The following UGT2B15 variants were observed in gnomAD, a reference collection of about 807,000 sequenced individuals.
The protein encoded by UGT2B15 is UDP glucuronosyltransferase family 2 member B15, also known as UDP-glucuronosyltransferase 2B15.
A neutral mutation model predicts 45.9 loss-of-function variants in UGT2B15; 36 were observed. That is an observed-to-expected ratio of 0.78 (90% CI 0.60 to 1.04). The LOEUF (loss-of-function observed/expected upper bound fraction) is 1.04, where lower values mean the gene tolerates loss of function less well. Among genes scored for constraint, UGT2B15 ranks in the 50% least tolerant of loss-of-function variants. The probability of loss-of-function intolerance (pLI) is 0.00; values close to 1 mark genes in which losing one functional copy is unlikely to be tolerated. For missense variants in UGT2B15, 617 were observed against 622.4 expected, an observed-to-expected ratio of 0.99 and a Z score of 0.09; for synonymous variants, 219 against 216.4, an observed-to-expected ratio of 1.01 and a Z score of -0.11.
intron 3 of UGT2B15, among the ~76,000 whole-genome samples, chr4:68,660,441 T>G (rs1223144785): frequency 6.6e-6 from 1 of 151,918 alleles, no homozygotes; most frequent in African/African-American, 2.4e-5. Flanking sequence ...AAGTCCTATC[T>G]GAGATTCTTT....
intron 2 of UGT2B15, among the ~76,000 whole-genome samples, chr4:68,667,691 C>G (rs969357815): frequency 2.0e-5 from 3 of 152,158 alleles, no homozygotes; most frequent in Admixed American, 2.0e-4. Flanking sequence ...GGAGCAGAAA[C>G]TGTGCTACCT....
rs536642768 is a variant in UGT2B15, at chr4:68,654,081, A to G, written c.1269T>C (p.Ser423=). Residue 423 remains serine (S), a synonymous_variant, in exon 5 of 6, where the codon AGT becomes AGC. Transcript: ENST00000338206. The stretch of plus-strand genomic sequence containing the variant: ...ACTTCAATGCATTGAGCAAATCTCT[A>G]CTTGACATGGTCCTGATGTCCACAC... The part of the protein sequence containing the change: ...ALSVDIRTMS[S]RDLLNALKSV... 97 of 1,613,582 alleles carry G rather than the reference A, an allele frequency of 6.0e-5. 1 individual carries two copies. The South Asian group carries it at 9.6e-4, about 16-fold the overall frequency.
In UGT2B15 at chr4:68,647,205, G is replaced by T; in HGVS notation, c.1492C>A (p.Leu498Met). ...QYHSLDVIAF[L>M]LACVATVIFI... ...ATCACAGTTGCCACGCAGGCCAGCA[G>T]GAATGCTATCACATCCAAAGAGTGG... is the stretch of plus-strand genomic sequence containing the variant. The change falls in exon 6 of 6, where the codon CTG becomes ATG. Residue 498 changes from leucine (L) to methionine (M), a missense_variant. Transcript: ENST00000338206. 1 of 1,613,974 alleles carries T rather than the reference G, an allele frequency of 6.2e-7. No homozygotes were observed. Among genetic ancestry groups the T allele is most frequent in the Non-Finnish European group, 8.5e-7 (1 of 1,179,926 alleles).
intron 5 of UGT2B15, among the ~76,000 whole-genome samples, chr4:68,647,900 C>G (rs1732530314): frequency 6.6e-6 from 1 of 151,726 alleles, no homozygotes; most frequent in African/African-American, 2.4e-5. Flanking sequence ...ATTTTTTACA[C>G]TTTTAGATAT....
chr4:68,668,398 A>G (rs1171450672), intron 1 of UGT2B15, among the ~76,000 whole-genome samples: 2 of 152,148 alleles, frequency 1.3e-5, no homozygotes, highest in Admixed American at 1.3e-4. Context: ...ATATATAAGG[A>G]AGGCAATGTA....
In UGT2B15 at chr4:68,653,889, G is replaced by T. The variant is rs543826459; in HGVS notation, c.1313+148C>A. ...TTGAAATGTAACTTTGAAATAAACT[G>T]TCTGGTGGAAAGTAAGGACAGATTT... On this transcript the variant is annotated intron_variant, in intron 5 of 5. Transcript: ENST00000338206. 1.8e-5 allele frequency: 18 copies of T among 1,024,934 alleles called. No individual in the cohort carries two copies. In the South Asian group the frequency reaches 3.7e-4, roughly 21 times the overall value. The allele number at this position is 1,024,934 out of a possible 1,614,324, so 63.5% of individuals were successfully genotyped here. A position where few individuals can be genotyped will look rare whatever the true frequency, so the allele number is the denominator to read the frequency against.
At position 68,653,791 on chromosome 4, in the gene UGT2B15, T is replaced by A. The variant is rs188177338; in HGVS notation, c.1313+246A>T. Among the ~76,000 whole-genome samples, 437 of 152,164 alleles carry A rather than the reference T, an allele frequency of 2.9e-3. 3 individuals are homozygous for A. Among genetic ancestry groups the A allele is most frequent in the Non-Finnish European group, 5.4e-3 (369 of 67,974 alleles). On this transcript the variant is annotated intron_variant, in intron 5 of 5. Coordinates refer to ENST00000338206, the MANE Select transcript of UGT2B15 (RefSeq NM_001076.4). ...CTATCATTAAAAATATTTAAAATAA[T>A]TATCTACATATCTTTAATTTTTTTG...
intron 3 of UGT2B15, among the ~76,000 whole-genome samples, 197 bp from the exon 4 acceptor site, chr4:68,655,379 T>A (rs1056236761): frequency 2.0e-5 from 3 of 152,134 alleles, no homozygotes; most frequent in African/African-American, 4.8e-5. Flanking sequence ...GTTACTTTTA[T>A]AATCAATTTT....
At chr4:68,654,413 C>T (rs1427295580) in intron 4 of UGT2B15, among the ~76,000 whole-genome samples, 157 bp from the exon 5 acceptor site, 1 of 151,332 alleles carries the variant, frequency 6.6e-6, no homozygotes, top group African/African-American at 2.4e-5. Context: ...AGAAGAATTG[C>T]CAGGTGAACA....
intron 3 of UGT2B15, among the ~76,000 whole-genome samples, chr4:68,655,828 G>T (rs1732787729): frequency 6.6e-6 from 1 of 152,030 alleles, no homozygotes; most frequent in South Asian, 2.1e-4. Context: ...GCTGTGTCAT[G>T]GGTGCACATT....
intron 1 of UGT2B15, among the ~76,000 whole-genome samples, chr4:68,669,467 A>G (rs1733236226): frequency 6.6e-6 from 1 of 152,180 alleles, no homozygotes; most frequent in Non-Finnish European, 1.5e-5. Context: ...CTAAATGAGG[A>G]AACTGAGGAA....
intron 2 of UGT2B15, among the ~76,000 whole-genome samples, chr4:68,667,066 A>G (rs1733152666): frequency 6.7e-6 from 1 of 149,998 alleles, no homozygotes; most frequent in African/African-American, 2.5e-5. Flanking sequence ...CTTTTACTCA[A>G]CCTTTTCCTG....
intron 2 of UGT2B15, among the ~76,000 whole-genome samples, chr4:68,667,838 C>G (rs1210390958): frequency 6.6e-6 from 1 of 152,116 alleles, no homozygotes; most frequent in Non-Finnish European, 1.5e-5. Flanking sequence ...TTCAAAATCT[C>G]CCTAGTAAAC....
At chr4:68,655,468 C>A (rs1229867589) in intron 3 of UGT2B15, among the ~76,000 whole-genome samples, 4 of 151,962 alleles carry the variant, frequency 2.6e-5, no homozygotes, top group Admixed American at 2.6e-4. Flanking sequence ...TCTTGGCAAC[C>A]CAAACTCTAT....
At chr4:68,658,403 G>C (rs753730486) in intron 3 of UGT2B15, among the ~76,000 whole-genome samples, 8 of 152,030 alleles carry the variant, frequency 5.3e-5, no homozygotes, top group Non-Finnish European at 1.0e-4. Flanking sequence ...GCTAAAGTAT[G>C]ATAATATTAG....
intron 3 of UGT2B15, among the ~76,000 whole-genome samples, chr4:68,656,494 A>G (rs1732810850): frequency 6.6e-6 from 1 of 151,998 alleles, no homozygotes; most frequent in Admixed American, 6.6e-5. Context: ...GTGGGTAACA[A>G]AGCCTGTCTA....
intron 5 of UGT2B15, among the ~76,000 whole-genome samples, chr4:68,650,184 A>C (rs531358475): frequency 6.6e-6 from 1 of 151,984 alleles, no homozygotes; most frequent in African/African-American, 2.4e-5. Context: ...TCCAGTATAC[A>C]TGTGCAGAAT....
intron 1 of UGT2B15, among the ~76,000 whole-genome samples, chr4:68,668,509 C>T (rs560501382): frequency 1.3e-5 from 2 of 151,768 alleles, no homozygotes; most frequent in East Asian, 3.9e-4. Context: ...GTTTGACTGT[C>T]CCCACCCAAA....
chr4:68,662,172 A>G (rs1342974232), intron 3 of UGT2B15, among the ~76,000 whole-genome samples: 3 of 152,122 alleles, frequency 2.0e-5, no homozygotes, highest in South Asian at 2.1e-4. Context: ...CAAAGATTGT[A>G]TAGATTAGAA....
Sources: allele counts gnomAD v4.1 joint callset (sites outside exome capture counted in the v4.1 genomes callset), GRCh38; gene constraint gnomAD v4.1.1; transcripts MANE v1.5; gene names NCBI Gene and HGNC (gene_info 2026-07-23, HGNC 2026-07-21).